CTNNA3: variants seen among roughly 807,000 people sequenced by gnomAD.
The protein encoded by CTNNA3 is catenin alpha-3.
Under a neutral mutation model 95.7 loss-of-function variants are expected in CTNNA3, and 76 were observed. The ratio of observed to expected loss-of-function variants is 0.79; its 90% CI spans 0.66 to 0.96. CTNNA3 has a LOEUF of 0.96. CTNNA3 is among the 40% of genes least tolerant of loss of function. The probability of loss-of-function intolerance (pLI) is 0.00; values close to 1 mark genes in which losing one functional copy is unlikely to be tolerated. For missense variants in CTNNA3, 1,191 were observed against 1,089.8 expected, an observed-to-expected ratio of 1.09 and a Z score of -1.31; for synonymous variants, 431 against 374.4, an observed-to-expected ratio of 1.15 and a Z score of -1.74.
At chr10:66,138,660 T>A (rs1589523787) in intron 13 of CTNNA3, among the ~76,000 whole-genome samples, 2 of 152,100 alleles carry the variant, frequency 1.3e-5, no homozygotes, top group East Asian at 3.9e-4. Flanking sequence ...GAAACCCGGT[T>A]GGTTTCACTT....
chr10:66,978,552 A>AAATAAAAAAAATATATATATATATATAT, intron 7 of CTNNA3, among the ~76,000 whole-genome samples: 3 of 37,884 alleles, frequency 7.9e-5, no homozygotes, highest in South Asian at 1.2e-3. Flanking sequence ...AAAAAAAAAA[A>AAATAAAAAAAATATATATATATATATAT]ATATATATAT....
intron 13 of CTNNA3, among the ~76,000 whole-genome samples, chr10:66,119,595 CT>C (rs993677501): frequency 5.9e-5 from 9 of 152,038 alleles, no homozygotes; most frequent in African/African-American, 2.2e-4. Context: ...CTTTTTTAGG[CT>C]TTAACTATGG....
chr10:66,108,304 T>C (rs1487584645), intron 13 of CTNNA3, among the ~76,000 whole-genome samples: 1 of 152,160 alleles, frequency 6.6e-6, no homozygotes, highest in Non-Finnish European at 1.5e-5. Context: ...CTCTACCTTA[T>C]AAATATTCAA....
At chr10:66,942,882 C>T (rs975010256) in intron 7 of CTNNA3, among the ~76,000 whole-genome samples, 2 of 152,084 alleles carry the variant, frequency 1.3e-5, no homozygotes, top group African/African-American at 4.8e-5. Context: ...GAAATGATGG[C>T]TAAATTAAGC....
intron 13 of CTNNA3, among the ~76,000 whole-genome samples, chr10:66,224,262 C>A (rs1211932929): frequency 4.6e-5 from 7 of 152,036 alleles, no homozygotes; most frequent in African/African-American, 7.2e-5. Flanking sequence ...TAAACAATCT[C>A]CTACTGGTTC....
intron 5 of CTNNA3, among the ~76,000 whole-genome samples, chr10:67,434,983 C>G (rs778976720): frequency 1.3e-5 from 2 of 151,896 alleles, no homozygotes; most frequent in African/African-American, 2.4e-5. Flanking sequence ...AGGTAGCCTC[C>G]GAAGCAGTGT....
chr10:67,127,930 G>T (rs1859801067), intron 7 of CTNNA3, among the ~76,000 whole-genome samples: 1 of 152,014 alleles, frequency 6.6e-6, no homozygotes, highest in Non-Finnish European at 1.5e-5. Flanking sequence ...GTATCAAAAA[G>T]AGCTTGGGTT....
chr10:66,978,552 A>T (rs201227773), intron 7 of CTNNA3, among the ~76,000 whole-genome samples: 2,158 of 36,598 alleles, frequency 0.059, 69 homozygotes, highest in Non-Finnish European at 0.067. Context: ...AAAAAAAAAA[A>T]ATATATATAT....
chr10:65,997,011 T>C (rs577876538), intron 15 of CTNNA3, among the ~76,000 whole-genome samples: 15 of 143,662 alleles, frequency 1.0e-4, no homozygotes, highest in Non-Finnish European at 1.6e-4. Context: ...TTACAGTCTT[T>C]CCATTAATTG....
At position 67,296,934 on chromosome 10, in the gene CTNNA3, C is replaced by CAAAAAAAAAAAAAAAAAA. The variant is rs1210482029; in HGVS notation, c.580-77082_580-77065dup. 4.5e-4 allele frequency among the ~76,000 whole-genome samples: 8 copies of CAAAAAAAAAAAAAAAAAA among 17,664 alleles called. 1 individual carries two copies. Among genetic ancestry groups the CAAAAAAAAAAAAAAAAAA allele is most frequent in the East Asian group, 2.2e-3 (1 of 454 alleles). The allele number at this position is 17,664 out of a possible 152,430, so 11.6% of individuals were successfully genotyped here. On this transcript the variant is annotated intron_variant, in intron 5 of 17. Coordinates refer to ENST00000433211, the MANE Select transcript of CTNNA3 (RefSeq NM_013266.4). ...GGGCAACAAGAATGAAACGCTGTCT[C>CAAAAAAAAAAAAAAAAAA]AAAAAAAAAAAAAAAAAAAAAAAAA...
chr10:67,130,878 T>C (rs1185049428), intron 7 of CTNNA3, among the ~76,000 whole-genome samples: 2 of 152,090 alleles, frequency 1.3e-5, no homozygotes. Flanking sequence ...TTTCTTCCTC[T>C]GCTTGAATTG....
At chr10:67,225,456 C>T (rs1183890872) in intron 5 of CTNNA3, among the ~76,000 whole-genome samples, 1 of 152,182 alleles carries the variant, frequency 6.6e-6, no homozygotes, top group African/African-American at 2.4e-5. Flanking sequence ...GCTAAGAACC[C>T]TCACGGAGTC....
intron 1 of CTNNA3, among the ~76,000 whole-genome samples, chr10:67,682,323 T>C (rs1372309506): frequency 1.4e-5 from 2 of 145,042 alleles, no homozygotes; most frequent in Non-Finnish European, 3.0e-5. Context: ...CGAGACTCTA[T>C]CTCAAAAAAA....
chr10:67,640,423 T>A (rs1839487946), intron 2 of CTNNA3, among the ~76,000 whole-genome samples: 1 of 152,146 alleles, frequency 6.6e-6, no homozygotes, highest in Non-Finnish European at 1.5e-5. Context: ...AAAATGGCCA[T>A]ACTGCCCAAG....
intron 5 of CTNNA3, among the ~76,000 whole-genome samples, chr10:67,332,260 A>G (rs1209897117): frequency 6.6e-6 from 1 of 152,208 alleles, no homozygotes; most frequent in Non-Finnish European, 1.5e-5. Context: ...TTGAAACTTT[A>G]TAAAGTGAAA....
intron 3 of CTNNA3, among the ~76,000 whole-genome samples, chr10:67,587,192 CTT>C (rs1491472991): frequency 9.8e-5 from 8 of 81,530 alleles, no homozygotes; most frequent in Non-Finnish European, 1.4e-4. Context: ...ACCCAGCTAA[CTT>C]GTGTGTGTGT....
At chr10:66,902,847 A>T (rs1485425855) in intron 7 of CTNNA3, among the ~76,000 whole-genome samples, 1 of 152,198 alleles carries the variant, frequency 6.6e-6, no homozygotes, top group Non-Finnish European at 1.5e-5. Context: ...AAATCTCTGA[A>T]TAGACCAATA....
chr10:66,196,578 C>G (rs2086973104), intron 13 of CTNNA3, among the ~76,000 whole-genome samples: 1 of 152,204 alleles, frequency 6.6e-6, no homozygotes, highest in Non-Finnish European at 1.5e-5. Flanking sequence ...AGGATTAACT[C>G]AGGAACTAAC....
At chr10:66,334,220 C>A (rs1589104593) in intron 12 of CTNNA3, among the ~76,000 whole-genome samples, 1 of 151,938 alleles carries the variant, frequency 6.6e-6, no homozygotes, top group East Asian at 1.9e-4. Flanking sequence ...GCATTTAGCC[C>A]ATTTACATTT....
Sources: allele counts gnomAD v4.1 joint callset (sites outside exome capture counted in the v4.1 genomes callset), GRCh38; gene constraint gnomAD v4.1.1; transcripts MANE v1.5; gene names NCBI Gene and HGNC (gene_info 2026-07-23, HGNC 2026-07-21).